The following CC2D2A variants were observed in gnomAD, a reference collection of about 807,000 sequenced individuals.
The protein encoded by CC2D2A is coiled-coil and C2 domain-containing protein 2A.
CC2D2A carries 155 observed loss-of-function variants against 212.9 expected under a neutral mutation model. That is an observed-to-expected ratio of 0.73 (90% CI 0.64 to 0.83). The LOEUF (loss-of-function observed/expected upper bound fraction) is 0.83. Among genes scored for constraint, CC2D2A ranks in the 40% least tolerant of loss-of-function variants. The probability of loss-of-function intolerance (pLI) is 0.00; values close to 1 mark genes in which losing one functional copy is unlikely to be tolerated. For synonymous variants in CC2D2A, 667 were observed against 686.5 expected (o/e 0.97, Z 0.44); for missense variants, 1,856 against 1,956.2 (o/e 0.95, Z 0.97).
At position 15,515,745 on chromosome 4, in the gene CC2D2A, A is replaced by G. The variant is rs183328422; in HGVS notation, c.881-123A>G. 429 of 958,010 alleles carry G rather than the reference A, an allele frequency of 4.5e-4. 1 individual carries two copies. The African/African-American group carries it at 6.0e-3, about 13-fold the overall frequency. The allele number at this position is 958,010 out of a possible 1,614,324, so 59.3% of individuals were successfully genotyped here. A position where few individuals can be genotyped will look rare whatever the true frequency, so the allele number is the denominator to read the frequency against. On this transcript the variant is annotated intron_variant, in intron 9 of 36. Transcript: ENST00000424120. Reference sequence around the variant, plus strand: ...TCCTTGGTTCTGCTTTTAAAAATTAATTTGGAAAATTTGCATTTTCTAAGA... The same window carrying G: ...TCCTTGGTTCTGCTTTTAAAAATTAGTTTGGAAAATTTGCATTTTCTAAGA...
chr4:15,578,078 T>C (rs1720489317), intron 29 of CC2D2A, among the ~76,000 whole-genome samples: 2 of 152,224 alleles, frequency 1.3e-5, no homozygotes, highest in Non-Finnish European at 2.9e-5. Context: ...GACTGACCAT[T>C]CTACATTAGA....
intron 3 of CC2D2A, among the ~76,000 whole-genome samples, chr4:15,479,734 G>T (rs565585308): frequency 6.6e-6 from 1 of 152,282 alleles, no homozygotes; most frequent in Admixed American, 6.5e-5. Context: ...TGTGGGGTCA[G>T]TCTGCAGCCG....
chr4:15,587,157 T>A (rs1720888412), intron 31 of CC2D2A, among the ~76,000 whole-genome samples: 2 of 152,232 alleles, frequency 1.3e-5, no homozygotes, highest in African/African-American at 4.8e-5. Context: ...AGGCATTAGA[T>A]TCTCATAAGG....
At chr4:15,533,436 T>C (rs2109030052) in intron 14 of CC2D2A, 103 bp downstream of exon 14, 4 of 791,252 alleles carry the variant, frequency 5.1e-6, no homozygotes, top group Non-Finnish European at 7.6e-6. Context: ...CAAATATGCA[T>C]GTAACCACTT....
At chr4:15,561,383 A>AG (rs1165293711) in intron 23 of CC2D2A, among the ~76,000 whole-genome samples, 11 of 152,252 alleles carry the variant, frequency 7.2e-5, no homozygotes, top group African/African-American at 2.6e-4. Context: ...AAAATGTGCA[A>AG]TCCATAGCAG....
intron 36 of CC2D2A, among the ~76,000 whole-genome samples, chr4:15,600,864 G>T (rs1323136758): frequency 1.4e-5 from 2 of 141,340 alleles, no homozygotes; most frequent in East Asian, 4.3e-4. Flanking sequence ...CCATGATCAT[G>T]CCACTGCAGT....
intron 34 of CC2D2A, 71 bp from the exon 35 acceptor site, chr4:15,597,336 G>C: frequency 8.9e-7 from 1 of 1,118,182 alleles, no homozygotes; most frequent in Non-Finnish European, 1.3e-6. Flanking sequence ...TGATTTTTAA[G>C]ATTTTTAAAA....
At chr4:15,569,761 CTATT>C (rs548643818) in intron 27 of CC2D2A, among the ~76,000 whole-genome samples, 80 of 152,286 alleles carry the variant, frequency 5.3e-4, no homozygotes, top group Middle Eastern at 3.4e-3. Flanking sequence ...TTGCAAGAAT[CTATT>C]TATTATATTT....
intron 17 of CC2D2A, 60 bp from the exon 18 acceptor site, chr4:15,550,764 C>T (rs1718955231): frequency 8.0e-7 from 1 of 1,255,504 alleles, no homozygotes; most frequent in African/African-American, 1.5e-5. Flanking sequence ...GACTGATTAT[C>T]TGAGCGTGAG....
intron 11 of CC2D2A, among the ~76,000 whole-genome samples, chr4:15,524,447 A>ATT (rs71179636): frequency 2.9e-4 from 26 of 89,976 alleles, no homozygotes; most frequent in African/African-American, 3.6e-4. Flanking sequence ...AAAATTTTTA[A>ATT]TTTTTTTTTT....
chr4:15,578,907 G>A (rs1276480799), intron 29 of CC2D2A, among the ~76,000 whole-genome samples: 5 of 151,900 alleles, frequency 3.3e-5, no homozygotes, highest in African/African-American at 9.7e-5. Flanking sequence ...CTCTCAAAGT[G>A]CTGGGATTGC....
intron 16 of CC2D2A, among the ~76,000 whole-genome samples, 166 bp from the exon 17 acceptor site, chr4:15,540,671 C>T (rs1482275327): frequency 6.6e-6 from 1 of 152,170 alleles, no homozygotes; most frequent in Non-Finnish European, 1.5e-5. Context: ...CCATAAATTC[C>T]ATACTACTCT....
intron 18 of CC2D2A, 52 bp downstream of exon 18, chr4:15,551,032 A>C (rs1718982251): frequency 7.2e-7 from 1 of 1,384,142 alleles, no homozygotes; most frequent in African/African-American, 1.4e-5. Context: ...TCAGATTTGA[A>C]TGTGTATATA....
intron 11 of CC2D2A, chr4:15,519,727 C>G: frequency 2.4e-6 from 1 of 423,176 alleles, no homozygotes; most frequent in Non-Finnish European, 4.7e-6. Context: ...GGGAAACTCC[C>G]ATTTTTAAAA....
Position 15,557,401 on chromosome 4 carries a change from C to T in CC2D2A, c.2723C>T (p.Ser908Phe). 1 of 1,613,270 alleles carries T rather than the reference C, an allele frequency of 6.2e-7. No individual in the cohort carries two copies. The highest frequency in any genetic ancestry group is 8.5e-7 in the Non-Finnish European group (1 of 1,179,488). Reference protein sequence around the residue: ...NFVSDQELNRSKRFRLLHLRS... With the variant: ...NFVSDQELNRFKRFRLLHLRS... The stretch of plus-strand genomic sequence containing the variant: ...GTTTCAGATCAAGAATTAAATAGAT[C>T]CAAACGATTTAGGCTTCTTCATCTT... Residue 908 changes from serine to phenylalanine, a missense_variant, in exon 21 of 37, where the codon TCC (serine) becomes TTC (phenylalanine). By Grantham distance (155) the Ser-to-Phe change is radical (BLOSUM62 -2). Transcript: ENST00000424120.
At chr4:15,579,373 G>A (rs1720555493) in intron 29 of CC2D2A, among the ~76,000 whole-genome samples, 1 of 151,686 alleles carries the variant, frequency 6.6e-6, no homozygotes, top group Admixed American at 6.6e-5. Flanking sequence ...TTGGCTCAGA[G>A]AACCAAGATG....
chr4:15,483,811 G>T (rs1489806848), intron 4 of CC2D2A, among the ~76,000 whole-genome samples: 4 of 152,080 alleles, frequency 2.6e-5, no homozygotes, highest in African/African-American at 9.7e-5. Context: ...CAGCATTTCT[G>T]GGCTTTGGTT....
At chr4:15,491,492 C>T (rs936374003) in intron 4 of CC2D2A, among the ~76,000 whole-genome samples, 11 of 152,198 alleles carry the variant, frequency 7.2e-5, no homozygotes, top group Non-Finnish European at 8.8e-5. Flanking sequence ...GCAACCTCCA[C>T]CTCCTGGGCT....
intron 33 of CC2D2A, among the ~76,000 whole-genome samples, chr4:15,590,787 A>G (rs145711697): frequency 6.6e-5 from 10 of 152,256 alleles, no homozygotes; most frequent in Non-Finnish European, 1.0e-4. Flanking sequence ...CCTAGGCTGG[A>G]GTCCAGTGGT....
Sources: gnomAD v4.1 joint callset for allele counts (sites outside exome capture counted in the v4.1 genomes callset) on GRCh38, gnomAD v4.1.1 for gene constraint, MANE v1.5 for transcripts, NCBI Gene and HGNC (gene_info 2026-07-23, HGNC 2026-07-21) for gene names.